Variants in UBA5 observed in about 807,000 individuals in gnomAD.
The protein encoded by UBA5 is ubiquitin-like modifier-activating enzyme 5.
A neutral mutation model predicts 52.9 loss-of-function variants in UBA5; 28 were observed. The ratio of observed to expected loss-of-function variants is 0.53; its 90% CI spans 0.39 to 0.73. The LOEUF is 0.73. Among genes scored for constraint, UBA5 ranks in the 30% least tolerant of loss-of-function variants. The probability of loss-of-function intolerance (pLI) is 0.00; values close to 1 mark genes in which losing one functional copy is unlikely to be tolerated. For missense variants in UBA5, 388 were observed against 492.7 expected (o/e 0.79, Z 2.01); for synonymous variants, 135 against 162.1 (o/e 0.83, Z 1.27).
chr3:132,675,974 A>ATCTTCTT lies in UBA5; in HGVS notation c.1131+53_1131+54insTTCTTTC, dbSNP rs200385321. 383 of 1,181,154 alleles carry ATCTTCTT rather than the reference A, an allele frequency of 3.2e-4. 2 individuals carry two copies. The African/African-American group carries it at 4.3e-3, about 13-fold the overall frequency. The allele number at this position is 1,181,154 out of a possible 1,614,324, so 73.2% of individuals were successfully genotyped here. On this transcript the variant is annotated intron_variant, in intron 11 of 11. Coordinates refer to ENST00000356232, the MANE Select transcript of UBA5 (RefSeq NM_024818.6). ...TATGTAAATATCATATAAAATATTT[A>ATCTTCTT]TCATCTTCATTCTAATTTGTAATGC...
intron 1 of UBA5, among the ~76,000 whole-genome samples, chr3:132,655,048 T>C (rs916947695): frequency 6.6e-6 from 1 of 152,114 alleles, no homozygotes; most frequent in Non-Finnish European, 1.5e-5. Context: ...CATTTAAACA[T>C]AGAAAAGGTA....
intron 1 of UBA5, among the ~76,000 whole-genome samples, chr3:132,661,621 G>A: frequency 6.6e-6 from 1 of 152,182 alleles, no homozygotes; most frequent in East Asian, 1.9e-4. Flanking sequence ...TTGAGGCTTA[G>A]AGAGCCACCT....
At position 132,666,016 on chromosome 3, in the gene UBA5, T is replaced by C; in HGVS notation, c.240T>C (p.Gly80=). Residue 80 remains glycine, a synonymous_variant, in exon 3 of 12, where the codon GGT becomes GGC. Coordinates refer to ENST00000356232, the MANE Select transcript of UBA5 (RefSeq NM_024818.6). ...KIRTFAVAIV[G]VGGVGSVTAE... is the part of the protein sequence containing the mutation. ...GTACCTTTGCCGTAGCAATAGTAGG[T>C]GTTGGTGGAGTAGGTAGTGTGACTG... 2 of 1,613,608 alleles carry C rather than the reference T, an allele frequency of 1.2e-6. No individual in the cohort carries two copies. Among genetic ancestry groups the C allele is most frequent in the Non-Finnish European group, 1.7e-6 (2 of 1,179,608 alleles).
chr3:132,666,530 A>T (rs1229562001), intron 3 of UBA5, among the ~76,000 whole-genome samples: 1 of 152,166 alleles, frequency 6.6e-6, no homozygotes, highest in Admixed American at 6.5e-5. Context: ...CATTTAGATT[A>T]TGGGTTAGAA....
chr3:132,673,611 G>A (rs1052323606), intron 8 of UBA5, among the ~76,000 whole-genome samples: 2 of 151,618 alleles, frequency 1.3e-5, no homozygotes, highest in African/African-American at 4.8e-5. Flanking sequence ...GCCTCCCAAA[G>A]TGTTGGGATT....
Position 132,660,881 on chromosome 3 carries a change from T to C in UBA5, c.161+183T>C. 2 of 1,444,028 alleles carry C rather than the reference T, an allele frequency of 1.4e-6. No individual in the cohort carries two copies. Among genetic ancestry groups the C allele is most frequent in the Non-Finnish European group, 1.8e-6 (2 of 1,101,696 alleles). 89.5% of individuals were successfully genotyped at this position (1,444,028 alleles called of 1,614,324 possible). Reference sequence around the variant, plus strand: ...TACTGATCGGAAGATATTCTTTCTCTTTTTTAAAAACCTCCAGTGAGTCAG... The same window carrying C: ...TACTGATCGGAAGATATTCTTTCTCCTTTTTAAAAACCTCCAGTGAGTCAG... On this transcript the variant is annotated intron_variant, in intron 1 of 11. Coordinates refer to ENST00000356232, the MANE Select transcript of UBA5 (RefSeq NM_024818.6). This position sits in a 1 kb window ranked among gnomAD's most constrained non-coding sequence, Gnocchi z 4.1.
chr3:132,661,045 T>C (rs1447748216), intron 1 of UBA5: 3 of 1,349,918 alleles, frequency 2.2e-6, no homozygotes, highest in Non-Finnish European at 2.9e-6. Context: ...TTAAACCTGC[T>C]AAGGTAAACT....
upstream of UBA5, chr3:132,659,537 G>T: frequency 6.2e-7 from 1 of 1,601,058 alleles, no homozygotes; most frequent in Non-Finnish European, 8.5e-7. Flanking sequence ...AACCACCCAG[G>T]GCCAAAGGAA....
chr3:132,662,087 G>A (rs1042572482), intron 1 of UBA5, among the ~76,000 whole-genome samples: 2 of 152,184 alleles, frequency 1.3e-5, no homozygotes, highest in African/African-American at 4.8e-5. Flanking sequence ...TTGTCTTTCA[G>A]ACATTATTTA....
Position 132,672,164 on chromosome 3 carries a change from C to CA in UBA5, c.803dup (p.Asn268LysfsTer13). On this transcript the variant is annotated frameshift_variant, in exon 8 of 12. Coordinates refer to ENST00000356232, the MANE Select transcript of UBA5 (RefSeq NM_024818.6). LOFTEE classifies it high-confidence loss of function. ...GGGTGTGGTTGCTGGGATCTTAGTA[C>CA]AAAACGTGTTAAAGTAAGTCAGGGC... is the stretch of plus-strand genomic sequence containing the variant. 1 of 1,613,662 alleles carries CA rather than the reference C, an allele frequency of 6.2e-7. No individual in the cohort carries two copies. The highest frequency in any genetic ancestry group is 1.7e-5 in the Admixed American group (1 of 59,970).
chr3:132,670,931 C>T (rs748968274), intron 5 of UBA5, 34 bp from the exon 6 acceptor site: 1 of 1,507,270 alleles, frequency 6.6e-7, no homozygotes, highest in South Asian at 1.1e-5. Context: ...TATTTTGTGT[C>T]CTGATGTTTT....
Position 132,672,047 on chromosome 3 carries a change from T to C in UBA5, c.685-3T>C, listed in dbSNP as rs751187572. 1 of 1,613,318 alleles carries C rather than the reference T, an allele frequency of 6.2e-7. No individual in the cohort carries two copies. On this transcript the variant is annotated splice_region_variant and splice_polypyrimidine_tract_variant and intron_variant, in intron 7 of 11. Coordinates refer to ENST00000356232, the MANE Select transcript of UBA5 (RefSeq NM_024818.6). ...TTTGAAATGTGTTTTATTTTTCATG[T>C]AGTGTGCTCCACCACTTGTAGTTGC...
chr3:132,660,301 T>G, upstream of UBA5: 2 of 588,018 alleles, frequency 3.4e-6, no homozygotes, highest in East Asian at 3.0e-5. This position sits in a 1 kb window ranked among gnomAD's most constrained non-coding sequence, Gnocchi z 4.1. Context: ...GAGCCAGGTT[T>G]TTGATGAGGG....
Position 132,676,880 on chromosome 3 carries a change from G to A in UBA5, c.*354G>A. On this transcript the variant is annotated 3_prime_UTR_variant, in exon 12 of 12. Transcript: ENST00000356232. This position sits in a 1 kb window ranked among gnomAD's most constrained non-coding sequence, Gnocchi z 4.1. The stretch of plus-strand genomic sequence containing the variant: ...TAATCCCTTGTGTCTGTTGCATGAG[G>A]ACATGGACAATAAAGTAGTATATGA... 1 of 459,026 alleles carries A rather than the reference G, an allele frequency of 2.2e-6. No homozygotes were observed. The highest frequency in any genetic ancestry group is 1.5e-5 in the South Asian group (1 of 64,562). The allele number at this position is 459,026 out of a possible 1,614,324, so 28.4% of individuals were successfully genotyped here.
At chr3:132,667,419 C>T (rs933258483) in intron 3 of UBA5, 2 of 152,102 alleles carry the variant, frequency 1.3e-5, no homozygotes, top group African/African-American at 4.8e-5. Context: ...ATAAGTGTCT[C>T]TGGGGATGAG....
upstream of UBA5, among the ~76,000 whole-genome samples, chr3:132,658,382 A>AT (rs1937933616): frequency 6.6e-6 from 1 of 152,138 alleles, no homozygotes; most frequent in African/African-American, 2.4e-5. Flanking sequence ...AACTAATTTC[A>AT]TTTTTTGAAC....
At chr3:132,655,614 C>T (rs1258104921), upstream of UBA5, among the ~76,000 whole-genome samples, 7 of 152,150 alleles carry the variant, frequency 4.6e-5, no homozygotes, top group Admixed American at 3.9e-4. Flanking sequence ...GCCGTGTGCT[C>T]GAGGAAATCT....
intron 8 of UBA5, among the ~76,000 whole-genome samples, chr3:132,674,221 C>T (rs1056349837): frequency 2.6e-5 from 4 of 152,038 alleles, no homozygotes; most frequent in East Asian, 1.9e-4. Context: ...ATAGTTGTTG[C>T]TCTTTTTTGT....
chr3:132,655,935 A>G (rs1267681716), upstream of UBA5, among the ~76,000 whole-genome samples: 1 of 152,240 alleles, frequency 6.6e-6, no homozygotes, highest in African/African-American at 2.4e-5. Context: ...TCTTGCAGAT[A>G]AAAAGAGTAT....
Sources: gnomAD v4.1 joint callset for allele counts (sites outside exome capture counted in the v4.1 genomes callset) on GRCh38, gnomAD v4.1.1 for gene constraint, Gnocchi (gnomAD v3.1) non-coding constraint, MANE v1.5 for transcripts, NCBI Gene and HGNC (gene_info 2026-07-23, HGNC 2026-07-21) for gene names.